SMAD3: variants seen among roughly 807,000 people sequenced by gnomAD.
SMAD3 encodes the protein MAD homolog 3.
Under a neutral mutation model 51.8 loss-of-function variants are expected in SMAD3, and 12 were observed. The ratio of observed to expected loss-of-function variants is 0.23; its 90% CI spans 0.15 to 0.38. The LOEUF is 0.38. Among genes scored for constraint, SMAD3 ranks in the 10% least tolerant of loss-of-function variants. The pLI is 1.00. For synonymous variants in SMAD3, 238 were observed against 227.7 expected (o/e 1.05, Z -0.41); for missense variants, 294 against 565.6 (o/e 0.52, Z 4.87).
At chr15:67,125,225 G>A (rs1961355159) in intron 1 of SMAD3, among the ~76,000 whole-genome samples, 1 of 152,236 alleles carries the variant, frequency 6.6e-6, no homozygotes, top group African/African-American at 2.4e-5. Flanking sequence ...GACTGGGTTT[G>A]CTGCTGAACC....
At chr15:67,099,027 G>A (rs1185339909) in intron 1 of SMAD3, 3 of 683,832 alleles carry the variant, frequency 4.4e-6, no homozygotes, top group Non-Finnish European at 7.9e-6. Flanking sequence ...TCAACTCTGT[G>A]AGTACCCATG....
At chr15:67,183,938 G>T (rs1051110426) in intron 6 of SMAD3, among the ~76,000 whole-genome samples, 14 of 152,138 alleles carry the variant, frequency 9.2e-5, no homozygotes, top group Non-Finnish European at 2.1e-4. Flanking sequence ...TGCTGCATCA[G>T]AAGGAGCCCT....
At chr15:67,188,368 G>C (rs1257243222) in intron 8 of SMAD3, among the ~76,000 whole-genome samples, 1 of 151,708 alleles carries the variant, frequency 6.6e-6, no homozygotes, top group African/African-American at 2.4e-5. Flanking sequence ...GAACTCCTGA[G>C]CTCAGGTGAC....
chr15:67,105,284 A>T (rs1595901739), intron 1 of SMAD3, among the ~76,000 whole-genome samples: 1 of 152,042 alleles, frequency 6.6e-6, no homozygotes, highest in Non-Finnish European at 1.5e-5. Flanking sequence ...ACAGGGAGGG[A>T]GTAGCTGCCT....
intron 1 of SMAD3, among the ~76,000 whole-genome samples, chr15:67,114,209 G>A (rs956955541): frequency 7.9e-5 from 12 of 152,146 alleles, no homozygotes; most frequent in Non-Finnish European, 1.2e-4. Context: ...CCTCCTCAGC[G>A]CTGGAGGGTC....
At chr15:67,156,972 G>A (rs1962299717) in intron 1 of SMAD3, among the ~76,000 whole-genome samples, 1 of 152,248 alleles carries the variant, frequency 6.6e-6, no homozygotes, top group Non-Finnish European at 1.5e-5. Flanking sequence ...GCCACTCATG[G>A]TAGGAGGAGT....
chr15:67,073,943 G>T (rs984534548), intron 1 of SMAD3, among the ~76,000 whole-genome samples: 3 of 152,198 alleles, frequency 2.0e-5, no homozygotes, highest in Admixed American at 6.5e-5. Flanking sequence ...AAAGTGCTGG[G>T]ATTCCAGGCC....
chr15:67,117,831 C>G (rs1315903764), intron 1 of SMAD3, among the ~76,000 whole-genome samples: 4 of 152,214 alleles, frequency 2.6e-5, no homozygotes, highest in Admixed American at 1.3e-4. Context: ...GTGGCTCATG[C>G]CTGTAATCCC....
chr15:67,180,206 G>A (rs1963014528), intron 5 of SMAD3, among the ~76,000 whole-genome samples: 1 of 152,154 alleles, frequency 6.6e-6, no homozygotes, highest in Non-Finnish European at 1.5e-5. Context: ...CTGGTCCAGA[G>A]GCTGTGGCAT....
intron 1 of SMAD3, among the ~76,000 whole-genome samples, chr15:67,081,013 T>C (rs774138421): frequency 2.6e-5 from 4 of 152,164 alleles, no homozygotes; most frequent in Non-Finnish European, 5.9e-5. Context: ...GGAGAGCAGT[T>C]GGAATGACAG....
At chr15:67,089,801 G>A (rs552805679) in intron 1 of SMAD3, among the ~76,000 whole-genome samples, 2 of 152,346 alleles carry the variant, frequency 1.3e-5, no homozygotes, top group African/African-American at 4.8e-5. Context: ...TGCTAGTCTG[G>A]ATGAGCAGGC....
intron 1 of SMAD3, among the ~76,000 whole-genome samples, chr15:67,105,726 C>A (rs1960862474): frequency 6.6e-6 from 1 of 152,218 alleles, no homozygotes; most frequent in Admixed American, 6.5e-5. Context: ...TACCCTGATG[C>A]CCTGGCTGGA....
intron 5 of SMAD3, among the ~76,000 whole-genome samples, chr15:67,176,841 T>G (rs947679116): frequency 6.6e-6 from 1 of 152,108 alleles, no homozygotes; most frequent in Non-Finnish European, 1.5e-5. Context: ...ACCTCTGCAC[T>G]GGGAGGAGAG....
At chr15:67,171,361 A>G (rs1962747855) in intron 5 of SMAD3, among the ~76,000 whole-genome samples, 1 of 152,124 alleles carries the variant, frequency 6.6e-6, no homozygotes, top group South Asian at 2.1e-4. Context: ...CCAAGACTCA[A>G]TTTTCTAACC....
At chr15:67,183,953 G>A (rs1385225055) in intron 6 of SMAD3, among the ~76,000 whole-genome samples, 2 of 152,134 alleles carry the variant, frequency 1.3e-5, no homozygotes, top group Non-Finnish European at 2.9e-5. Context: ...AGCCCTGCAG[G>A]TTTACTGAAT....
intron 1 of SMAD3, among the ~76,000 whole-genome samples, chr15:67,111,341 A>G (rs1002684253): frequency 1.3e-5 from 2 of 152,200 alleles, no homozygotes; most frequent in Admixed American, 1.3e-4. Flanking sequence ...TTTATGGCCA[A>G]ATAGTATTCC....
rs147865167 is a variant in SMAD3, at chr15:67,176,281, C to T, written c.659-4960C>T. On this transcript the variant is annotated intron_variant, in intron 5 of 8. Transcript: ENST00000327367. ...GCCGTGTGAGCTGGGCCTTAAAGAT[C>T]GAGTCCCTGCAGAGGAGGGGGATGG... 3.8e-4 allele frequency among the ~76,000 whole-genome samples: 58 copies of T among 152,072 alleles called. 1 individual carries two copies. In the South Asian group the frequency reaches 6.0e-3, roughly 16 times the overall value.
At chr15:67,168,119 T>G (rs191328316) in intron 4 of SMAD3, among the ~76,000 whole-genome samples, 3 of 152,108 alleles carry the variant, frequency 2.0e-5, no homozygotes, top group African/African-American at 7.2e-5. Context: ...CACGCCCGGC[T>G]CATTTGTGTA....
chr15:67,105,721 T>C lies in SMAD3; in HGVS notation c.206+39361T>C, dbSNP rs944980198. On this transcript the variant is annotated intron_variant, in intron 1 of 8. Coordinates refer to ENST00000327367, the MANE Select transcript of SMAD3 (RefSeq NM_005902.4). ...AGAAACAGGAATGTGTCTCTTACCCTGATGCCCTGGCTGGAGATCCCGTGG... is the reference window on the plus strand; with the variant it reads ...AGAAACAGGAATGTGTCTCTTACCCCGATGCCCTGGCTGGAGATCCCGTGG... 3.9e-5 allele frequency among the ~76,000 whole-genome samples: 6 copies of C among 152,234 alleles called. No individual in the cohort carries two copies. The South Asian group carries it at 8.3e-4, about 21-fold the overall frequency.
Sources: allele counts gnomAD v4.1 joint callset (sites outside exome capture counted in the v4.1 genomes callset), GRCh38; gene constraint gnomAD v4.1.1; transcripts MANE v1.5; gene names NCBI Gene and HGNC (gene_info 2026-07-23, HGNC 2026-07-21).